HOXA13: variants seen among roughly 807,000 people sequenced by gnomAD.
HOXA13 encodes homeobox A13, also known as homeobox protein Hox-A13.
Under a neutral mutation model 25.7 loss-of-function variants are expected in HOXA13, and 5 were observed. The ratio of observed to expected loss-of-function variants is 0.19; its 90% CI spans 0.10 to 0.41. The LOEUF is 0.41. HOXA13 is among the 10% of genes least tolerant of loss of function. The pLI is 1.00. For synonymous variants in HOXA13, 284 were observed against 241.1 expected (o/e 1.18, Z -1.65); for missense variants, 557 against 533.5 (o/e 1.04, Z -0.43).
Position 27,198,026 on chromosome 7 carries a change from G to C in HOXA13, c.*172C>G. ...CCTTTCTTAAAGTTTTAAAACAGTT[G>C]TAGATTCCATTAAAGAGAAAGAGAT... On this transcript the variant is annotated 3_prime_UTR_variant, in exon 2 of 2. Transcript: ENST00000649031. 1.3e-6 allele frequency: 1 copy of C among 776,820 alleles called. No homozygotes were observed. Among genetic ancestry groups the C allele is most frequent in the Admixed American group, 2.4e-5 (1 of 41,680 alleles). The allele number at this position is 776,820 out of a possible 1,614,324, so 48.1% of individuals were successfully genotyped here. A position where few individuals can be genotyped will look rare whatever the true frequency, so the allele number is the denominator to read the frequency against.
In HOXA13 at chr7:27,196,598, C is replaced by A. The variant is rs1009867192; in HGVS notation, c.*1600G>T. 1 of 152,268 alleles carries A rather than the reference C, an allele frequency of 6.6e-6. No homozygotes were observed. The highest frequency in any genetic ancestry group is 1.5e-5 in the Non-Finnish European group (1 of 68,060). 9.4% of individuals were successfully genotyped at this position (152,268 alleles called of 1,614,324 possible). The stretch of plus-strand genomic sequence containing the variant: ...TTGCTGCTACAAAACAACTGGTTTT[C>A]ATTTTCCACAGGGAGCCTGGGAATT... On this transcript the variant is annotated 3_prime_UTR_variant, in exon 2 of 2. Coordinates refer to ENST00000649031, the MANE Select transcript of HOXA13 (RefSeq NM_000522.5).
At chr7:27,198,736 C>A in intron 1 of HOXA13, 1 of 546,446 alleles carries the variant, frequency 1.8e-6, no homozygotes, top group Non-Finnish European at 3.3e-6. Context: ...TAGCGCCAGG[C>A]TCAAGGTACA....
chr7:27,199,064 A>T, intron 1 of HOXA13, 92 bp downstream of exon 1: 1 of 1,282,050 alleles, frequency 7.8e-7, no homozygotes, highest in Non-Finnish European at 1.1e-6. Context: ...CCAGGAAGAG[A>T]ACAGAAACGC....
chr7:27,198,505 A>C (rs1280475791), intron 1 of HOXA13, 63 bp from the exon 2 acceptor site: 9 of 1,604,782 alleles, frequency 5.6e-6, no homozygotes, highest in Non-Finnish European at 6.8e-6. Flanking sequence ...CATAGGCGAC[A>C]GCTCGATCTG....
In HOXA13 at chr7:27,198,156, A is replaced by C. The variant is rs763736448; in HGVS notation, c.*42T>G. ...TATCTGGGCAAAGCAACGAGTTCTG[A>C]AGCGTTTCTTCAAGTTGCCTTCTTG... On this transcript the variant is annotated 3_prime_UTR_variant, in exon 2 of 2. Coordinates refer to ENST00000649031, the MANE Select transcript of HOXA13 (RefSeq NM_000522.5). 1 of 1,608,984 alleles carries C rather than the reference A, an allele frequency of 6.2e-7. No individual in the cohort carries two copies. The highest frequency in any genetic ancestry group is 1.7e-5 in the Admixed American group (1 of 59,968).
Position 27,199,551 on chromosome 7 carries a change from C to T in HOXA13, c.527G>A (p.Ser176Asn), listed in dbSNP as rs1784060954. 1 of 1,569,664 alleles carries T rather than the reference C, an allele frequency of 6.4e-7. No individual in the cohort carries two copies. Among genetic ancestry groups the T allele is most frequent in the African/African-American group, 1.4e-5 (1 of 73,714 alleles). Residue 176 changes from serine (S) to asparagine (N), a missense_variant, in exon 1 of 2, where the codon AGC (serine) becomes AAC (asparagine). Physicochemically the swap from Ser to Asn is conservative, Grantham distance 46. Coordinates refer to ENST00000649031, the MANE Select transcript of HOXA13 (RefSeq NM_000522.5). Reference protein sequence around the residue: ...PAALPYGYFGSGYYPCARMGP... With the variant: ...PAALPYGYFGNGYYPCARMGP... ...CATGCGGGCGCACGGGTAGTAGCCG[C>T]TGCCGAAGTAGCCATAGGGCAGCGC...
At chr7:27,198,803 A>G (rs1372158584) in intron 1 of HOXA13, 6 of 480,938 alleles carry the variant, frequency 1.2e-5, no homozygotes, top group Non-Finnish European at 2.2e-5. Flanking sequence ...AAGCTTCTAC[A>G]CTGAAGCCAT....
chr7:27,197,553 GAA>G lies in HOXA13; in HGVS notation c.*643_*644del, dbSNP rs1784018000. 1 of 217,660 alleles carries G rather than the reference GAA, an allele frequency of 4.6e-6. No individual in the cohort carries two copies. The highest frequency in any genetic ancestry group is 2.3e-5 in the African/African-American group (1 of 44,440). 13.5% of individuals were successfully genotyped at this position (217,660 alleles called of 1,614,324 possible). On this transcript the variant is annotated 3_prime_UTR_variant, in exon 2 of 2. Transcript: ENST00000649031. ...ACCGACCCGGGTTCTCTTGTAGCCT[GAA>G]AGGTTCAGCTGGTTGGTTTTACTAT...
At position 27,199,579 on chromosome 7, in the gene HOXA13, C is replaced by G. The variant is rs752314022; in HGVS notation, c.499G>C (p.Ala167Pro). Residue 167 changes from alanine to proline, a missense_variant, in exon 1 of 2, where the codon GCG becomes CCG. Physicochemically the swap from Ala to Pro is conservative, Grantham distance 27. Transcript: ENST00000649031. ...SAAAQSSSGP[A>P]ALPYGYFGSG... ...CCGAAGTAGCCATAGGGCAGCGCCG[C>G]GGGCCCCGACGAGCTCTGCGCCGCT... 2 of 1,526,768 alleles carry G rather than the reference C, an allele frequency of 1.3e-6. No individual in the cohort carries two copies. The highest frequency in any genetic ancestry group is 4.9e-5 in the East Asian group (2 of 40,900). 94.6% of individuals were successfully genotyped at this position (1,526,768 alleles called of 1,614,324 possible).
At chr7:27,198,908 G>A (rs1231506930) in intron 1 of HOXA13, among the ~76,000 whole-genome samples, 1 of 151,984 alleles carries the variant, frequency 6.6e-6, no homozygotes, top group Non-Finnish European at 1.5e-5. Flanking sequence ...GGAGGGCGGG[G>A]CGCAGAGGGA....
Position 27,199,651 on chromosome 7 carries a change from C to A in HOXA13, c.427G>T (p.Gly143Cys). 1.6e-6 allele frequency: 2 copies of A among 1,277,904 alleles called. No homozygotes were observed. The highest frequency in any genetic ancestry group is 2.0e-6 in the Non-Finnish European group (2 of 1,018,728). 79.2% of individuals were successfully genotyped at this position (1,277,904 alleles called of 1,614,324 possible). Residue 143 changes from glycine to cysteine, a missense_variant, in exon 1 of 2, where the codon GGC (glycine) becomes TGC (cysteine). By Grantham distance (159) the Gly-to-Cys change is radical. Coordinates refer to ENST00000649031, the MANE Select transcript of HOXA13 (RefSeq NM_000522.5). ...TTGGCGGCCTCTGCGCCCGCCGGGC[C>A]CGCCGGGCCGGGACCTCCCGAGGAC... ...ASSSGGPGPA[G>C]PAGAEAAKQC...
chr7:27,199,700 TGCAGCGGCAGCCGCG>T lies in HOXA13; in HGVS notation c.363_377del (p.Ala129_Ala133del). ...ACGACGCGGCGGCGGCGGCGGCGGC[TGCAGCGGCAGCCGCG>T]GCAGCAGCGGCGGCAGCCGACGGGG... On this transcript the variant is annotated inframe_deletion, in exon 1 of 2. Coordinates refer to ENST00000649031, the MANE Select transcript of HOXA13 (RefSeq NM_000522.5). 1.9e-6 allele frequency: 2 copies of T among 1,071,394 alleles called. No individual in the cohort carries two copies. Among genetic ancestry groups the T allele is most frequent in the Non-Finnish European group, 2.3e-6 (2 of 888,374 alleles). The allele number at this position is 1,071,394 out of a possible 1,614,324, so 66.4% of individuals were successfully genotyped here.
rs756946073 is a variant in HOXA13, at chr7:27,199,406, G to A, written c.672C>T (p.Arg224=). 6.2e-7 allele frequency: 1 copy of A among 1,614,056 alleles called. No individual in the cohort carries two copies. Among genetic ancestry groups the A allele is most frequent in the Non-Finnish European group, 8.5e-7 (1 of 1,179,978 alleles). Residue 224 remains arginine, a synonymous_variant, in exon 1 of 2, where the codon CGC becomes CGT. Coordinates refer to ENST00000649031, the MANE Select transcript of HOXA13 (RefSeq NM_000522.5). ...AGPAAEEFSS[R]AKEFAFYHQG... is the part of the protein sequence containing the mutation. ...GGTGGTAGAAGGCGAACTCCTTAGC[G>A]CGGGAGCTGAACTCCTCGGCAGCTG...
rs1291433076 is a variant in HOXA13, at chr7:27,198,460, A to C, written c.923-18T>G. On this transcript the variant is annotated intron_variant, in intron 1 of 1. Transcript: ENST00000649031. ...GACCACGTCTAGAAGACAAGGGAGA[A>C]GGCAAGTTACACAGGGATCGGACCC... The C allele has an allele frequency of 6.2e-7, 1 of 1,613,080 alleles. No homozygotes were observed. Among genetic ancestry groups the C allele is most frequent in the South Asian group, 1.1e-5 (1 of 91,044 alleles).
chr7:27,199,578 G>A lies in HOXA13; in HGVS notation c.500C>T (p.Ala167Val). 1 of 1,531,752 alleles carries A rather than the reference G, an allele frequency of 6.5e-7. No individual in the cohort carries two copies. The highest frequency in any genetic ancestry group is 1.2e-5 in the South Asian group (1 of 81,940). 94.9% of individuals were successfully genotyped at this position (1,531,752 alleles called of 1,614,324 possible). ...SAAAQSSSGP[A>V]ALPYGYFGSG... The stretch of plus-strand genomic sequence containing the variant: ...GCCGAAGTAGCCATAGGGCAGCGCC[G>A]CGGGCCCCGACGAGCTCTGCGCCGC... Residue 167 changes from alanine to valine, a missense_variant, in exon 1 of 2, where the codon GCG (alanine) becomes GTG (valine). Transcript: ENST00000649031.
chr7:27,198,780 GT>G, intron 1 of HOXA13: 2 of 495,766 alleles, frequency 4.0e-6, no homozygotes, highest in Non-Finnish European at 7.3e-6. Context: ...CTGGGTGCCC[GT>G]CCCAATACTC....
At position 27,200,079 on chromosome 7, in the gene HOXA13, GC is replaced by G; in HGVS notation, c.-3del. 1 of 1,457,150 alleles carries G rather than the reference GC, an allele frequency of 6.9e-7. No homozygotes were observed. The highest frequency in any genetic ancestry group is 9.2e-7 in the Non-Finnish European group (1 of 1,087,398). The allele number at this position is 1,457,150 out of a possible 1,614,324, so 90.3% of individuals were successfully genotyped here. A position where few individuals can be genotyped will look rare whatever the true frequency, so the allele number is the denominator to read the frequency against. ...GTGGAGGAGCACGGAGGCTGTCATA[GC>G]CCGAGCCGCATGGAGAAGACCCCAG... On this transcript the variant is annotated 5_prime_UTR_variant, in exon 1 of 2. Transcript: ENST00000649031.
In HOXA13 at chr7:27,199,772, C is replaced by A. The variant is rs1265172660; in HGVS notation, c.306G>T (p.Ala102=). 1 of 1,018,354 alleles carries A rather than the reference C, an allele frequency of 9.8e-7. No individual in the cohort carries two copies. Among genetic ancestry groups the A allele is most frequent in the Non-Finnish European group, 1.2e-6 (1 of 845,712 alleles). 63.1% of individuals were successfully genotyped at this position (1,018,354 alleles called of 1,614,324 possible). ...CCCCGGGGGCGCTGCTGTAGGCGGA[C>A]GCGGCTCCTGGCGCCAAGGGCGCCG... The part of the protein sequence containing the change: ...AHPAPLAPGA[A]SAYSSAPGEA... The change falls in exon 1 of 2, where the codon GCG becomes GCT. Residue 102 remains alanine, a synonymous_variant. Transcript: ENST00000649031.
Position 27,199,716 on chromosome 7 carries a change from G to A in HOXA13, c.362C>T (p.Ala121Val). ...GGCGGCGGCTGCAGCGGCAGCCGCG[G>A]CAGCAGCGGCGGCAGCCGACGGGGG... is the stretch of plus-strand genomic sequence containing the variant. ...EAPPSAAAAA[A>V]AAAAAAAAAA... Residue 121 changes from alanine (A) to valine (V), a missense_variant, in exon 1 of 2, where the codon GCC becomes GTC. Coordinates refer to ENST00000649031, the MANE Select transcript of HOXA13 (RefSeq NM_000522.5). The A allele has an allele frequency of 2.0e-5, 20 of 1,007,294 alleles. No individual in the cohort carries two copies. Among genetic ancestry groups the A allele is most frequent in the Non-Finnish European group, 2.2e-5 (19 of 845,436 alleles). 62.4% of individuals were successfully genotyped at this position (1,007,294 alleles called of 1,614,324 possible).
Sources: gnomAD v4.1 joint callset for allele counts (sites outside exome capture counted in the v4.1 genomes callset) on GRCh38, gnomAD v4.1.1 for gene constraint, MANE v1.5 for transcripts, NCBI Gene and HGNC (gene_info 2026-07-23, HGNC 2026-07-21) for gene names.